CUL5: variants seen among roughly 807,000 people sequenced by gnomAD.
CUL5 encodes cullin-5.
Under a neutral mutation model 108.8 loss-of-function variants are expected in CUL5, and 26 were observed. That is an observed-to-expected ratio of 0.24 (90% confidence interval 0.18 to 0.33). CUL5 has a LOEUF of 0.33. Ranked by LOEUF, CUL5 falls within the 10% of genes least tolerant of loss-of-function variation. The pLI, the probability that CUL5 is intolerant of heterozygous loss-of-function variation, is 1.00. For synonymous variants in CUL5, 334 were observed against 298.0 expected, an observed-to-expected ratio of 1.12 and a Z score of -1.25; for missense variants, 524 against 909.2, an observed-to-expected ratio of 0.58 and a Z score of 5.45.
intron 5 of CUL5, 115 bp from the exon 6 acceptor site, chr11:108,054,532 C>T (rs1209747036): frequency 1.5e-6 from 1 of 660,272 alleles, no homozygotes; most frequent in East Asian, 2.9e-5. Flanking sequence ...ATTATATGTT[C>T]TCTTGAGCAT....
intron 11 of CUL5, among the ~76,000 whole-genome samples, chr11:108,087,714 C>T (rs1286717862): frequency 6.6e-6 from 1 of 152,162 alleles, no homozygotes; most frequent in East Asian, 1.9e-4. Context: ...ATAATCCTAG[C>T]ACTTTTTTGG....
At chr11:108,059,628 C>G (rs550325624) in intron 7 of CUL5, among the ~76,000 whole-genome samples, 1 of 152,202 alleles carries the variant, frequency 6.6e-6, no homozygotes, top group East Asian at 1.9e-4. Context: ...CCTGCAATCC[C>G]AGCACTTAGG....
chr11:108,022,656 TA>T (rs1438281137), intron 1 of CUL5, among the ~76,000 whole-genome samples: 5 of 152,194 alleles, frequency 3.3e-5, no homozygotes, highest in Admixed American at 6.5e-5. Context: ...TTTTAAAAAT[TA>T]AGTTATTCTT....
At chr11:108,089,394 A>C in intron 12 of CUL5, 98 bp from the exon 13 acceptor site, 1 of 860,576 alleles carries the variant, frequency 1.2e-6, no homozygotes, top group South Asian at 1.8e-5. Context: ...TGCTCATAAA[A>C]GTTTCTGACT....
chr11:108,090,423 G>A lies in CUL5; in HGVS notation c.1443+800G>A, dbSNP rs192777876. On this transcript the variant is annotated intron_variant, in intron 13 of 18. Coordinates refer to ENST00000393094, the MANE Select transcript of CUL5 (RefSeq NM_003478.6). ...GAGAATGGCATGAACCCTGGGGGGC[G>A]GAGCTTGCAGTGAGCTGAAATCGAG... is the stretch of plus-strand genomic sequence containing the variant. Among the ~76,000 whole-genome samples the A allele has an allele frequency of 4.2e-4, 64 of 152,208 alleles. 2 individuals carry two copies. Among genetic ancestry groups the A allele is most frequent in the Admixed American group, 1.3e-3 (20 of 15,286 alleles).
At chr11:108,066,711 G>T (rs1863690736) in intron 7 of CUL5, among the ~76,000 whole-genome samples, 1 of 152,182 alleles carries the variant, frequency 6.6e-6, no homozygotes, top group East Asian at 1.9e-4. Flanking sequence ...TTCTTATCAA[G>T]CACCAGCTGT....
chr11:108,080,339 T>C (rs577820697), intron 11 of CUL5, among the ~76,000 whole-genome samples: 1 of 152,280 alleles, frequency 6.6e-6, no homozygotes, highest in South Asian at 2.1e-4. Flanking sequence ...TGCTCCTGCC[T>C]CAGCCTCCCA....
intron 11 of CUL5, 132 bp downstream of exon 11, chr11:108,078,372 G>C (rs921127917): frequency 2.2e-6 from 1 of 458,954 alleles, no homozygotes; most frequent in South Asian, 6.1e-5. Flanking sequence ...GCAGCTTTTG[G>C]CTATTAAAGT....
Position 108,084,644 on chromosome 11 carries a change from C to A in CUL5, c.1179-3883C>A, listed in dbSNP as rs528128333. On this transcript the variant is annotated intron_variant, in intron 11 of 18. Coordinates refer to ENST00000393094, the MANE Select transcript of CUL5 (RefSeq NM_003478.6). ...TACAACATTACTAGTCCTATGAAGA[C>A]AGATAAATTAATGACTTAACTAAAA... Among the ~76,000 whole-genome samples the A allele has an allele frequency of 2.6e-5, 4 of 152,316 alleles. No individual in the cohort carries two copies. In the East Asian group the frequency reaches 7.7e-4, roughly 29 times the overall value.
intron 18 of CUL5, among the ~76,000 whole-genome samples, chr11:108,099,285 G>A (rs1270139771): frequency 6.6e-6 from 1 of 152,136 alleles, no homozygotes. Flanking sequence ...GATTACAGGT[G>A]TGAGCTACCA....
intron 1 of CUL5, among the ~76,000 whole-genome samples, chr11:108,026,916 G>C (rs1358961986): frequency 6.6e-6 from 1 of 150,630 alleles, no homozygotes; most frequent in Admixed American, 6.6e-5. Context: ...TTGAACTTGG[G>C]AGGCGGAGGT....
At chr11:108,100,810 C>G (rs1001057525) in intron 18 of CUL5, among the ~76,000 whole-genome samples, 2 of 152,156 alleles carry the variant, frequency 1.3e-5, no homozygotes, top group African/African-American at 4.8e-5. Flanking sequence ...GCGGGTGGAT[C>G]ACAAGGCCAG....
rs1338734500 is a variant in CUL5 at position 108,105,136 on chromosome 11, C to T, written c.*752C>T. On this transcript the variant is annotated 3_prime_UTR_variant, in exon 19 of 19. Transcript: ENST00000393094. ...ATGAAGCTTATATTAATTGTTGCTT[C>T]AATAGTTTAAAAAATTTATGGAGAT... 1.3e-5 allele frequency: 2 copies of T among 150,686 alleles called. No individual in the cohort carries two copies. The highest frequency in any genetic ancestry group is 3.9e-4 in the East Asian group (2 of 5,160). The allele number at this position is 150,686 out of a possible 1,614,324, so 9.3% of individuals were successfully genotyped here.
At chr11:108,093,880 T>C (rs1263120430) in intron 13 of CUL5, among the ~76,000 whole-genome samples, 1 of 152,118 alleles carries the variant, frequency 6.6e-6, no homozygotes, top group African/African-American at 2.4e-5. Flanking sequence ...TTAAAATTTT[T>C]TTGTAGTGAT....
intron 15 of CUL5, 28 bp from the exon 16 acceptor site, chr11:108,095,502 T>A (rs767835815): frequency 7.1e-7 from 1 of 1,413,342 alleles, no homozygotes; most frequent in Admixed American, 2.0e-5. Flanking sequence ...TGAGATTCTT[T>A]ATTAAAAATC....
At chr11:108,040,309 T>C (rs1862861971) in intron 2 of CUL5, among the ~76,000 whole-genome samples, 1 of 151,980 alleles carries the variant, frequency 6.6e-6, no homozygotes, top group Admixed American at 6.6e-5. Flanking sequence ...TGAGATTCCA[T>C]TTCTACAAAA....
At chr11:108,036,638 A>G (rs528494128) in intron 2 of CUL5, among the ~76,000 whole-genome samples, 303 of 152,202 alleles carry the variant, frequency 2.0e-3, no homozygotes, top group African/African-American at 6.6e-3. Flanking sequence ...CCACTGTGCC[A>G]GGCTAATTTT....
intron 7 of CUL5, among the ~76,000 whole-genome samples, chr11:108,068,995 C>T (rs563541887): frequency 1.2e-4 from 18 of 152,308 alleles, no homozygotes; most frequent in Non-Finnish European, 2.1e-4. Context: ...TGATGGTTCA[C>T]ACCTGTAATC....
At position 108,049,915 on chromosome 11, in the gene CUL5, C is replaced by T. The variant is rs1459753832; in HGVS notation, c.260C>T (p.Thr87Met). Residue 87 changes from threonine to methionine, a missense_variant, in exon 4 of 19, where the codon ACG (threonine) becomes ATG (methionine). Coordinates refer to ENST00000393094, the MANE Select transcript of CUL5 (RefSeq NM_003478.6). Reference protein sequence around the residue: ...QARVLSHQDDTALLKAYIVEW... With the variant: ...QARVLSHQDDMALLKAYIVEW... ...CGAGTACTGAGCCATCAAGATGATA[C>T]GGCTTTGCTAAAAGCATATATTGTT... The T allele has an allele frequency of 3.1e-6, 5 of 1,613,040 alleles. No homozygotes were observed. The highest frequency in any genetic ancestry group is 4.2e-6 in the Non-Finnish European group (5 of 1,179,564).
Sources: allele counts gnomAD v4.1 joint callset (sites outside exome capture counted in the v4.1 genomes callset), GRCh38; gene constraint gnomAD v4.1.1; transcripts MANE v1.5; gene names NCBI Gene and HGNC (gene_info 2026-07-23, HGNC 2026-07-21).